Variants in BCL2 observed in about 807,000 individuals in gnomAD.
The protein encoded by BCL2 is BCL2 apoptosis regulator.
In BCL2, 1 loss-of-function variant was observed where a neutral mutation model predicts 14.2. That is an observed-to-expected ratio of 0.07 (90% CI 0.02 to 0.33). The LOEUF (loss-of-function observed/expected upper bound fraction) is 0.33, where lower values mean the gene tolerates loss of function less well. BCL2 is among the 10% of genes least tolerant of loss of function. BCL2 has a pLI of 0.99. For synonymous variants in BCL2, 151 were observed against 137.2 expected, an observed-to-expected ratio of 1.10 and a Z score of -0.70; for missense variants, 247 against 305.9, an observed-to-expected ratio of 0.81 and a Z score of 1.44.
At chr18:63,136,682 G>A (rs1319775186) in intron 2 of BCL2, among the ~76,000 whole-genome samples, 1 of 152,240 alleles carries the variant, frequency 6.6e-6, no homozygotes, top group East Asian at 1.9e-4. Context: ...GAGGGCCGGT[G>A]TAGACCATGC....
rs1914605313 is a variant in BCL2 at position 63,149,843 on chromosome 18, GC to G, written c.586-21085del. Among the ~76,000 whole-genome samples the G allele has an allele frequency of 6.7e-6, 1 of 148,716 alleles. No homozygotes were observed. The highest frequency in any genetic ancestry group is 2.1e-4 in the South Asian group (1 of 4,672). Reference sequence around the variant, plus strand: ...ACAGAAAGGGTTCTCCTGACATGAGGCATTTATTTATTTATTTATTTATTTA... The same window carrying G: ...ACAGAAAGGGTTCTCCTGACATGAGGATTTATTTATTTATTTATTTATTTA... On this transcript the variant is annotated intron_variant, in intron 2 of 2. Coordinates refer to ENST00000333681, the MANE Select transcript of BCL2 (RefSeq NM_000633.3). The surrounding 1 kb of genome is among the most constrained non-coding windows in gnomAD (Gnocchi z 4.2).
chr18:63,132,281 GC>G (rs1306437762), intron 2 of BCL2, among the ~76,000 whole-genome samples: 1 of 152,176 alleles, frequency 6.6e-6, no homozygotes, highest in Non-Finnish European at 1.5e-5. Context: ...GTCACTCAAA[GC>G]CATTTGTAAA....
intron 2 of BCL2, among the ~76,000 whole-genome samples, chr18:63,287,979 G>C (rs1912522934): frequency 6.6e-6 from 1 of 152,204 alleles, no homozygotes; most frequent in Admixed American, 6.5e-5. Context: ...TGGGTGGACA[G>C]TGATATCATT....
Position 63,309,980 on chromosome 18 carries a change from A to C in BCL2, c.585+8102T>G, listed in dbSNP as rs1391496000. Among the ~76,000 whole-genome samples the C allele has an allele frequency of 4.6e-5, 7 of 152,166 alleles. 1 individual carries two copies. Among genetic ancestry groups the C allele is most frequent in the African/African-American group, 1.7e-4 (7 of 41,504 alleles). On this transcript the variant is annotated intron_variant, in intron 2 of 2. Transcript: ENST00000333681. ...TGGGTTCAAGCAATTCTCCTGCCTC[A>C]GCCTCCCGAGTAGCTGGGATTACAG...
intron 2 of BCL2, among the ~76,000 whole-genome samples, chr18:63,132,020 T>C (rs972964203): frequency 1.1e-4 from 17 of 152,204 alleles, no homozygotes; most frequent in African/African-American, 3.6e-4. Context: ...ATTTCTGATA[T>C]GCATTACGTA....
At chr18:63,301,445 T>A (rs1371115120) in intron 2 of BCL2, among the ~76,000 whole-genome samples, 1 of 152,204 alleles carries the variant, frequency 6.6e-6, no homozygotes, top group Admixed American at 6.5e-5. Flanking sequence ...TATGCATATT[T>A]ATACAGATAT....
Position 63,169,369 on chromosome 18 carries a change from C to CTTTCTTTCTTTCTCTT in BCL2, c.586-40611_586-40610insAAGAGAAAGAAAGAAA, listed in dbSNP as rs372286465. ...TCTTTCTTTCTTTCTTTCTTTCTTT[C>CTTTCTTTCTTTCTCTT]TCTTTCTTTCTTTCTTTCTTTTTCT... On this transcript the variant is annotated intron_variant, in intron 2 of 2. Coordinates refer to ENST00000333681, the MANE Select transcript of BCL2 (RefSeq NM_000633.3). 1.0e-3 allele frequency among the ~76,000 whole-genome samples: 71 copies of CTTTCTTTCTTTCTCTT among 69,546 alleles called. 5 individuals are homozygous for CTTTCTTTCTTTCTCTT. The highest frequency in any genetic ancestry group is 6.2e-3 in the African/African-American group (63 of 10,124). The allele number at this position is 69,546 out of a possible 152,430, so 45.6% of individuals were successfully genotyped here.
intron 2 of BCL2, among the ~76,000 whole-genome samples, chr18:63,269,607 G>A (rs1911943765): frequency 6.6e-6 from 1 of 152,078 alleles, no homozygotes; most frequent in African/African-American, 2.4e-5. Flanking sequence ...TCAGTCACTT[G>A]GTGAGTTCTC....
At position 63,129,658 on chromosome 18, in the gene BCL2, A is replaced by G. The variant is rs114333407; in HGVS notation, c.586-899T>C. On this transcript the variant is annotated intron_variant, in intron 2 of 2. Coordinates refer to ENST00000333681, the MANE Select transcript of BCL2 (RefSeq NM_000633.3). ...AAAAAGCTGAGAATCGCAGGGAATA[A>G]GAGACTTTTTAACAAGTGGCAGAGC... 9.1e-3 allele frequency among the ~76,000 whole-genome samples: 1,383 copies of G among 152,306 alleles called. 24 individuals carry two copies. The highest frequency in any genetic ancestry group is 0.032 in the African/African-American group (1,322 of 41,558).
chr18:63,227,653 G>GAAGTAGC (rs1379027443), intron 2 of BCL2, among the ~76,000 whole-genome samples: 1 of 152,186 alleles, frequency 6.6e-6, no homozygotes, highest in Non-Finnish European at 1.5e-5. Flanking sequence ...AACAAGTAAA[G>GAAGTAGC]AAGTAGCATG....
At chr18:63,190,633 G>A (rs1909265718) in intron 2 of BCL2, among the ~76,000 whole-genome samples, 2 of 152,226 alleles carry the variant, frequency 1.3e-5, no homozygotes, top group South Asian at 4.1e-4. Context: ...CCTGGAGATT[G>A]TTCTCAACCC....
chr18:63,279,537 T>C (rs1912249978), intron 2 of BCL2, among the ~76,000 whole-genome samples: 2 of 152,218 alleles, frequency 1.3e-5, no homozygotes, highest in South Asian at 2.1e-4. Context: ...TTGGAGAGTA[T>C]ACAAAACAAC....
At chr18:63,293,921 G>C (rs938464639) in intron 2 of BCL2, among the ~76,000 whole-genome samples, 1 of 150,410 alleles carries the variant, frequency 6.6e-6, no homozygotes, top group Non-Finnish European at 1.5e-5. Context: ...TTAGGAAGCA[G>C]CTGGCTACCA....
At chr18:63,225,908 C>T (rs1910530882) in intron 2 of BCL2, among the ~76,000 whole-genome samples, 1 of 152,190 alleles carries the variant, frequency 6.6e-6, no homozygotes, top group African/African-American at 2.4e-5. Context: ...GCTAACAGCT[C>T]AGTGGGGGCG....
intron 2 of BCL2, among the ~76,000 whole-genome samples, chr18:63,188,346 T>C (rs1002871264): frequency 6.6e-6 from 1 of 152,222 alleles, no homozygotes; most frequent in African/African-American, 2.4e-5. Flanking sequence ...GCAGGGCCTC[T>C]GCTTCCTCAT....
chr18:63,297,439 A>T (rs1912830036), intron 2 of BCL2, among the ~76,000 whole-genome samples: 1 of 152,156 alleles, frequency 6.6e-6, no homozygotes, highest in Admixed American at 6.5e-5. Flanking sequence ...TCGCATCTCA[A>T]TTCAGATTGG....
intron 2 of BCL2, among the ~76,000 whole-genome samples, chr18:63,265,127 A>G (rs1911788445): frequency 6.6e-6 from 1 of 152,162 alleles, no homozygotes; most frequent in Admixed American, 6.5e-5. Flanking sequence ...ATAAACAGTG[A>G]AGCAATCAAA....
At chr18:63,166,249 G>A (rs1166285946) in intron 2 of BCL2, among the ~76,000 whole-genome samples, 2 of 152,226 alleles carry the variant, frequency 1.3e-5, no homozygotes, top group Admixed American at 1.3e-4. Flanking sequence ...CCCAGAGTGG[G>A]GAGAAGGATC....
At chr18:63,189,273 C>T (rs929155867) in intron 2 of BCL2, among the ~76,000 whole-genome samples, 2 of 151,926 alleles carry the variant, frequency 1.3e-5, no homozygotes, top group African/African-American at 4.8e-5. Context: ...AGGCTTGTCC[C>T]AGGGCAGAAG....
Sources: gnomAD v4.1 joint callset for allele counts (sites outside exome capture counted in the v4.1 genomes callset) on GRCh38, gnomAD v4.1.1 for gene constraint, Gnocchi (gnomAD v3.1) non-coding constraint, MANE v1.5 for transcripts, NCBI Gene and HGNC (gene_info 2026-07-23, HGNC 2026-07-21) for gene names.